Variants in KCNQ3 observed in about 807,000 individuals in gnomAD.
The protein encoded by KCNQ3 is potassium voltage-gated channel subfamily Q member 3.
A neutral mutation model predicts 92.5 loss-of-function variants in KCNQ3; 30 were observed. That is an observed-to-expected ratio of 0.32 (90% confidence interval 0.24 to 0.44). The LOEUF (loss-of-function observed/expected upper bound fraction) is 0.44. Among genes scored for constraint, KCNQ3 ranks in the 20% least tolerant of loss-of-function variants. KCNQ3 has a pLI of 1.00. For missense variants in KCNQ3, 913 were observed against 1,140.3 expected (o/e 0.80, Z 2.87); for synonymous variants, 450 against 468.8 (o/e 0.96, Z 0.52).
chr8:132,289,225 A>G (rs1563842640), intron 1 of KCNQ3, among the ~76,000 whole-genome samples: 1 of 152,236 alleles, frequency 6.6e-6, no homozygotes, highest in Non-Finnish European at 1.5e-5. Context: ...AGCTTTGAGC[A>G]TCATTGTATG....
At chr8:132,281,471 A>G (rs1192967549) in intron 1 of KCNQ3, among the ~76,000 whole-genome samples, 1 of 152,166 alleles carries the variant, frequency 6.6e-6, no homozygotes, top group Non-Finnish European at 1.5e-5. Flanking sequence ...CACATGGAGT[A>G]TGTATATATG....
chr8:132,451,431 G>A (rs1052581399), intron 1 of KCNQ3, among the ~76,000 whole-genome samples: 15 of 152,166 alleles, frequency 9.9e-5, no homozygotes, highest in Non-Finnish European at 1.8e-4. Flanking sequence ...CATCCACCAC[G>A]GGCAGACGTT....
intron 1 of KCNQ3, among the ~76,000 whole-genome samples, chr8:132,452,291 A>G (rs2673566): frequency 0.93 from 141,345 of 152,194 alleles, 65,650 homozygotes; most frequent in East Asian, 0.94. Flanking sequence ...CCCACTCTCT[A>G]TTTCTATGAA....
At chr8:132,191,699 AG>A (rs1827168684) in intron 1 of KCNQ3, among the ~76,000 whole-genome samples, 1 of 151,482 alleles carries the variant, frequency 6.6e-6, no homozygotes, top group Admixed American at 6.6e-5. Flanking sequence ...CTCTATCCAA[AG>A]ACAGGTCTCT....
At chr8:132,171,754 A>G (rs1250974338) in intron 7 of KCNQ3, among the ~76,000 whole-genome samples, 1 of 152,068 alleles carries the variant, frequency 6.6e-6, no homozygotes, top group Non-Finnish European at 1.5e-5. Flanking sequence ...CTTTAGGCTG[A>G]CTCTTCCCTA....
chr8:132,224,081 A>AT lies in KCNQ3; in HGVS notation c.387-37901dup, dbSNP rs1164773143. Among the ~76,000 whole-genome samples the AT allele has an allele frequency of 7.7e-3, 302 of 39,448 alleles. 14 individuals are homozygous for AT. The highest frequency in any genetic ancestry group is 0.024 in the Middle Eastern group (1 of 42). 25.9% of individuals were successfully genotyped at this position (39,448 alleles called of 152,430 possible). ...CAGACACACACCATCATGCCAGGCT[A>AT]TTTTTTTTTTTTTTTTTTTTTTTTT... On this transcript the variant is annotated intron_variant, in intron 1 of 14. Coordinates refer to ENST00000388996, the MANE Select transcript of KCNQ3 (RefSeq NM_004519.4).
At chr8:132,418,791 ATAAAT>A (rs1383792096) in intron 1 of KCNQ3, among the ~76,000 whole-genome samples, 6 of 152,350 alleles carry the variant, frequency 3.9e-5, no homozygotes, top group South Asian at 2.1e-4. Flanking sequence ...GTCTCAAAAA[ATAAAT>A]TAAATAAATT....
chr8:132,375,656 T>A (rs1022931198), intron 1 of KCNQ3, among the ~76,000 whole-genome samples: 2 of 152,190 alleles, frequency 1.3e-5, no homozygotes, highest in African/African-American at 4.8e-5. Context: ...CCTAGAACAT[T>A]GCCTCCCTCT....
At chr8:132,230,453 G>GAC (rs1814604761) in intron 1 of KCNQ3, among the ~76,000 whole-genome samples, 1 of 35,926 alleles carries the variant, frequency 2.8e-5, no homozygotes, top group Non-Finnish European at 5.5e-5. Flanking sequence ...GAGAGACAGA[G>GAC]AGAGAGAGAG....
intron 1 of KCNQ3, among the ~76,000 whole-genome samples, chr8:132,207,892 T>A (rs1308814281): frequency 6.9e-6 from 1 of 144,016 alleles, no homozygotes; most frequent in African/African-American, 2.6e-5. Flanking sequence ...AAACATTTAG[T>A]GGCTTCAAGT....
At chr8:132,177,875 C>T (rs545958562) in intron 4 of KCNQ3, among the ~76,000 whole-genome samples, 6 of 152,298 alleles carry the variant, frequency 3.9e-5, no homozygotes, top group East Asian at 1.9e-4. Flanking sequence ...GCACAGCTTT[C>T]GGGAGGACTC....
chr8:132,240,474 C>A (rs1413255130), intron 1 of KCNQ3, among the ~76,000 whole-genome samples: 1 of 152,190 alleles, frequency 6.6e-6, no homozygotes. Flanking sequence ...GCATGAGCCA[C>A]CATGCCCGGC....
intron 1 of KCNQ3, among the ~76,000 whole-genome samples, chr8:132,251,770 C>T (rs998636295): frequency 1.3e-5 from 2 of 152,192 alleles, no homozygotes; most frequent in Non-Finnish European, 2.9e-5. Flanking sequence ...TCAGAGAATG[C>T]TTAAAAACAT....
intron 1 of KCNQ3, among the ~76,000 whole-genome samples, chr8:132,311,549 C>G (rs562615152): frequency 8.5e-5 from 13 of 152,296 alleles, no homozygotes; most frequent in African/African-American, 3.1e-4. Flanking sequence ...CCAAAATCTC[C>G]TAACTTACAA....
rs988419976 is a variant in KCNQ3, at chr8:132,338,926, T to C, written c.386+141221A>G. On this transcript the variant is annotated intron_variant, in intron 1 of 14. Coordinates refer to ENST00000388996, the MANE Select transcript of KCNQ3 (RefSeq NM_004519.4). ...AACGTGGGTCAGGGGGAGAGGGAGGTCAGCTAGCTTGGTCTTGTGAAACCT... is the reference window on the plus strand; with the variant it reads ...AACGTGGGTCAGGGGGAGAGGGAGGCCAGCTAGCTTGGTCTTGTGAAACCT... Among the ~76,000 whole-genome samples, 5 of 151,738 alleles carry C rather than the reference T, an allele frequency of 3.3e-5. No homozygotes were observed. The South Asian group carries it at 1.0e-3, about 32-fold the overall frequency.
rs1251645861 is a variant in KCNQ3 at position 132,303,637 on chromosome 8, A to G, written c.387-117456T>C. Reference sequence around the variant, plus strand: ...ATATATATATATATATATATGGTGTATATATATATATATATTTATGGTGTG... The same window carrying G: ...ATATATATATATATATATATGGTGTGTATATATATATATATTTATGGTGTG... On this transcript the variant is annotated intron_variant, in intron 1 of 14. Coordinates refer to ENST00000388996, the MANE Select transcript of KCNQ3 (RefSeq NM_004519.4). Among the ~76,000 whole-genome samples the G allele has an allele frequency of 1.6e-3, 46 of 28,218 alleles. 5 individuals carry two copies. The highest frequency in any genetic ancestry group is 7.1e-3 in the African/African-American group (14 of 1,978). 18.5% of individuals were successfully genotyped at this position (28,218 alleles called of 152,430 possible). A position where few individuals can be genotyped will look rare whatever the true frequency, so the allele number is the denominator to read the frequency against.
chr8:132,423,467 G>C (rs1382669827), intron 1 of KCNQ3, among the ~76,000 whole-genome samples: 1 of 152,178 alleles, frequency 6.6e-6, no homozygotes, highest in Non-Finnish European at 1.5e-5. Context: ...TAAGAGCATA[G>C]ACTCAAGCCA....
chr8:132,282,923 G>A (rs1816571320), intron 1 of KCNQ3, among the ~76,000 whole-genome samples: 1 of 152,206 alleles, frequency 6.6e-6, no homozygotes, highest in Non-Finnish European at 1.5e-5. Context: ...GCCGGCAGGA[G>A]AGAGCCAGGA....
chr8:132,163,631 G>A (rs575947693), intron 8 of KCNQ3, 137 bp from the exon 9 acceptor site: 57 of 789,210 alleles, frequency 7.2e-5, no homozygotes, highest in Admixed American at 1.2e-4. Context: ...GGTCAGTGTG[G>A]AGGGAACCAA....
Sources: gnomAD v4.1 joint callset for allele counts (sites outside exome capture counted in the v4.1 genomes callset) on GRCh38, gnomAD v4.1.1 for gene constraint, MANE v1.5 for transcripts, NCBI Gene and HGNC (gene_info 2026-07-23, HGNC 2026-07-21) for gene names.